Variants in MTBP observed in about 807,000 individuals in gnomAD.
The protein encoded by MTBP is MDM2 binding protein.
In MTBP, 101 loss-of-function variants were observed where a neutral mutation model predicts 117.0. That is an observed-to-expected ratio of 0.86 (90% CI 0.73 to 1.02). The LOEUF (loss-of-function observed/expected upper bound fraction) is 1.02, where lower values mean the gene tolerates loss of function less well. Among genes scored for constraint, MTBP ranks in the 50% least tolerant of loss-of-function variants. The pLI is 0.00. For missense variants in MTBP, 970 were observed against 1,030.9 expected, an observed-to-expected ratio of 0.94 and a Z score of 0.81; for synonymous variants, 350 against 351.5, an observed-to-expected ratio of 1.00 and a Z score of 0.05.
chr8:120,467,507 G>A (rs975118857), intron 10 of MTBP, among the ~76,000 whole-genome samples: 1 of 152,168 alleles, frequency 6.6e-6, no homozygotes, highest in African/African-American at 2.4e-5. Flanking sequence ...TTGGGAGGCT[G>A]AGGCGGGAGA....
intron 11 of MTBP, among the ~76,000 whole-genome samples, chr8:120,487,266 G>A (rs1327649987): frequency 1.3e-5 from 2 of 152,086 alleles, no homozygotes; most frequent in South Asian, 2.1e-4. Context: ...TGCCATCTGG[G>A]GTCACCATTC....
Position 120,517,837 on chromosome 8 carries a change from C to T in MTBP, c.2247-14C>T, listed in dbSNP as rs1814946341. The T allele has an allele frequency of 1.9e-6, 3 of 1,592,760 alleles. No homozygotes were observed. The highest frequency in any genetic ancestry group is 1.4e-5 in the African/African-American group (1 of 73,844). Reference sequence around the variant, plus strand: ...CTTAATCTACGTTCTTGATTTTTTTCCCCTGCTATATAGACTTGTGAAATC... The same window carrying T: ...CTTAATCTACGTTCTTGATTTTTTTTCCCTGCTATATAGACTTGTGAAATC... On this transcript the variant is annotated splice_polypyrimidine_tract_variant and intron_variant, in intron 18 of 21. Coordinates refer to ENST00000305949, the MANE Select transcript of MTBP (RefSeq NM_022045.5).
At chr8:120,489,044 C>CTTTTTTTTTTTTTTTTTTTTT (rs71306887) in intron 12 of MTBP, among the ~76,000 whole-genome samples, 1 of 128,078 alleles carries the variant, frequency 7.8e-6, no homozygotes, top group Non-Finnish European at 1.7e-5. Context: ...AGACTGACTT[C>CTTTTTTTTTTTTTTTTTTTTT]TTTTTTTTTT....
rs537693998 is a variant in MTBP at position 120,501,122 on chromosome 8, C to T, written c.1610-1370C>T. ...AGGAGAATGGCGTGAACCTGGGAGG[C>T]GGAGCTTGCAGTGAGCCGAGATTGC... On this transcript the variant is annotated intron_variant, in intron 14 of 21. Coordinates refer to ENST00000305949, the MANE Select transcript of MTBP (RefSeq NM_022045.5). Among the ~76,000 whole-genome samples, 336 of 135,568 alleles carry T rather than the reference C, an allele frequency of 2.5e-3. 1 individual carries two copies. Among genetic ancestry groups the T allele is most frequent in the Middle Eastern group, 9.3e-3 (2 of 216 alleles). The allele number at this position is 135,568 out of a possible 152,430, so 88.9% of individuals were successfully genotyped here. A position where few individuals can be genotyped will look rare whatever the true frequency, so the allele number is the denominator to read the frequency against.
At chr8:120,474,264 T>C (rs1232930070) in intron 11 of MTBP, among the ~76,000 whole-genome samples, 1 of 151,940 alleles carries the variant, frequency 6.6e-6, no homozygotes, top group Non-Finnish European at 1.5e-5. Context: ...CTTAACAGTA[T>C]TTAAAAAAAA....
At chr8:120,496,103 C>T (rs185285972) in intron 13 of MTBP, among the ~76,000 whole-genome samples, 5 of 152,292 alleles carry the variant, frequency 3.3e-5, no homozygotes, top group Admixed American at 6.5e-5. Context: ...CACCCAGCAT[C>T]GAATTTTGCC....
intron 14 of MTBP, among the ~76,000 whole-genome samples, chr8:120,500,200 T>G (rs938366570): frequency 7.9e-5 from 12 of 152,136 alleles, no homozygotes; most frequent in African/African-American, 2.9e-4. Context: ...TTTAAAGCAG[T>G]GTTCTTGGTT....
intron 12 of MTBP, among the ~76,000 whole-genome samples, 186 bp from the exon 13 acceptor site, chr8:120,490,277 T>C (rs1814316248): frequency 6.6e-6 from 1 of 152,148 alleles, no homozygotes; most frequent in South Asian, 2.1e-4. Context: ...AATAATTGAG[T>C]ATGCTTATTT....
chr8:120,448,567 CCAAT>C (rs1168413753), intron 2 of MTBP, among the ~76,000 whole-genome samples: 1 of 152,192 alleles, frequency 6.6e-6, no homozygotes, highest in Admixed American at 6.5e-5. Flanking sequence ...TGCACAGTGA[CCAAT>C]CAATGACGTA....
intron 14 of MTBP, 22 bp downstream of exon 14, chr8:120,497,576 A>AT (rs1814496608): frequency 3.9e-6 from 5 of 1,295,298 alleles, no homozygotes; most frequent in Non-Finnish European, 5.2e-6. Context: ...ATTACTTTAA[A>AT]TTTTAGTTCG....
chr8:120,514,659 G>A (rs1814884702), intron 17 of MTBP, among the ~76,000 whole-genome samples: 1 of 152,030 alleles, frequency 6.6e-6, no homozygotes, highest in Admixed American at 6.6e-5. Context: ...CATTCTGGCT[G>A]TGCTACATAT....
intron 11 of MTBP, among the ~76,000 whole-genome samples, chr8:120,479,568 A>C (rs1383084972): frequency 6.6e-6 from 1 of 152,200 alleles, no homozygotes; most frequent in Admixed American, 6.5e-5. Context: ...AACATGCTTC[A>C]GGACAGACCC....
In MTBP at chr8:120,496,721, G is replaced by A. The variant is rs933822334; in HGVS notation, c.1448-672G>A. Among the ~76,000 whole-genome samples, 113 of 142,642 alleles carry A rather than the reference G, an allele frequency of 7.9e-4. 1 individual carries two copies. Among genetic ancestry groups the A allele is most frequent in the African/African-American group, 2.5e-3 (97 of 39,422 alleles). The allele number at this position is 142,642 out of a possible 152,430, so 93.6% of individuals were successfully genotyped here. A position where few individuals can be genotyped will look rare whatever the true frequency, so the allele number is the denominator to read the frequency against. On this transcript the variant is annotated intron_variant, in intron 13 of 21. Transcript: ENST00000305949. ...GATGTTCCATACAAAAAAAAAAAAA[G>A]AAAAAAAAATGCAAGCAGTGTTGCC... is the stretch of plus-strand genomic sequence containing the variant.
chr8:120,478,396 T>C (rs1439842263), intron 11 of MTBP, among the ~76,000 whole-genome samples: 1 of 151,532 alleles, frequency 6.6e-6, no homozygotes, highest in African/African-American at 2.4e-5. Context: ...ACTTAAAGTA[T>C]AATAAAGAAA....
At chr8:120,449,652 T>C (rs1351708520) in intron 2 of MTBP, among the ~76,000 whole-genome samples, 1 of 152,156 alleles carries the variant, frequency 6.6e-6, no homozygotes, top group African/African-American at 2.4e-5. Flanking sequence ...AGCCTCAAAC[T>C]GAATCCCAGT....
intron 11 of MTBP, among the ~76,000 whole-genome samples, chr8:120,486,659 C>G (rs568268346): frequency 6.6e-6 from 1 of 152,030 alleles, no homozygotes; most frequent in Non-Finnish European, 1.5e-5. Context: ...TATTGGAAGC[C>G]GAGGGAGGAG....
chr8:120,464,183 G>T (rs1813639505), intron 10 of MTBP, among the ~76,000 whole-genome samples: 1 of 151,880 alleles, frequency 6.6e-6, no homozygotes, highest in South Asian at 2.1e-4. Flanking sequence ...ATTGTCATTT[G>T]GGAGTTTTCA....
intron 15 of MTBP, among the ~76,000 whole-genome samples, chr8:120,505,787 A>G (rs556139008): frequency 1.3e-5 from 2 of 152,290 alleles, no homozygotes; most frequent in East Asian, 3.9e-4. Flanking sequence ...GGAAACATCT[A>G]ACTGAAACTA....
chr8:120,522,550 C>T (rs927449432), intron 20 of MTBP, 104 bp from the exon 21 acceptor site: 50 of 739,458 alleles, frequency 6.8e-5, no homozygotes, highest in Middle Eastern at 3.9e-4. Context: ...CACATTAATA[C>T]GTGTAGAATG....
Sources: gnomAD v4.1 joint callset for allele counts (sites outside exome capture counted in the v4.1 genomes callset) on GRCh38, gnomAD v4.1.1 for gene constraint, MANE v1.5 for transcripts, NCBI Gene and HGNC (gene_info 2026-07-23, HGNC 2026-07-21) for gene names.